Variants in STXBP5L observed in about 807,000 individuals in gnomAD.
STXBP5L encodes syntaxin-binding protein 5-like.
In STXBP5L, 65 loss-of-function variants were observed where a neutral mutation model predicts 144.5. That is an observed-to-expected ratio of 0.45 (90% CI 0.37 to 0.55). The LOEUF is 0.55. STXBP5L is among the 20% of genes least tolerant of loss of function. The probability of loss-of-function intolerance (pLI) is 0.00; values close to 1 mark genes in which losing one functional copy is unlikely to be tolerated. For synonymous variants in STXBP5L, 505 were observed against 469.6 expected, an observed-to-expected ratio of 1.08 and a Z score of -0.97; for missense variants, 1,298 against 1,405.5, an observed-to-expected ratio of 0.92 and a Z score of 1.22.
At chr3:121,014,547 T>A (rs1945006980) in intron 3 of STXBP5L, among the ~76,000 whole-genome samples, 1 of 152,072 alleles carries the variant, frequency 6.6e-6, no homozygotes, top group Non-Finnish European at 1.5e-5. Flanking sequence ...CACAGTTTGC[T>A]TATTTTTTCA....
At chr3:120,977,097 C>G (rs555392499) in intron 3 of STXBP5L, among the ~76,000 whole-genome samples, 16 of 152,248 alleles carry the variant, frequency 1.1e-4, no homozygotes, top group African/African-American at 2.9e-4. Flanking sequence ...TCCTGGTTAT[C>G]CTTGTTACCT....
chr3:121,415,767 G>T, intron 24 of STXBP5L, 90 bp from the exon 25 acceptor site: 3 of 726,288 alleles, frequency 4.1e-6, no homozygotes, highest in Admixed American at 3.1e-5. Flanking sequence ...GTTTTTTCAT[G>T]ATGTGTCCTA....
At chr3:121,383,667 G>A (rs1436776658) in intron 22 of STXBP5L, among the ~76,000 whole-genome samples, 2 of 152,012 alleles carry the variant, frequency 1.3e-5, no homozygotes, top group Non-Finnish European at 2.9e-5. Context: ...CATAATTTAT[G>A]GCAGTAAAAA....
intron 19 of STXBP5L, among the ~76,000 whole-genome samples, chr3:121,302,068 G>A (rs1193026574): frequency 2.6e-5 from 4 of 152,196 alleles, no homozygotes; most frequent in African/African-American, 9.6e-5. Flanking sequence ...CATAAAATGA[G>A]TTAGGGAGGA....
intron 9 of STXBP5L, among the ~76,000 whole-genome samples, chr3:121,202,218 G>T (rs1480991383): frequency 6.6e-6 from 1 of 152,104 alleles, no homozygotes; most frequent in African/African-American, 2.4e-5. Context: ...TATATTCACA[G>T]AATCTGTTAC....
intron 5 of STXBP5L, among the ~76,000 whole-genome samples, chr3:121,094,797 G>C (rs1366206676): frequency 5.3e-5 from 8 of 151,908 alleles, no homozygotes; most frequent in Non-Finnish European, 8.8e-5. Flanking sequence ...TGTTATGTGT[G>C]AATTTGAACC....
At position 121,314,467 on chromosome 3, in the gene STXBP5L, C is replaced by T. The variant is rs1476518596; in HGVS notation, c.2111-4008C>T. 4.5e-3 allele frequency among the ~76,000 whole-genome samples: 641 copies of T among 142,802 alleles called. 9 individuals are homozygous for T. The highest frequency in any genetic ancestry group is 0.015 in the African/African-American group (589 of 38,530). 93.7% of individuals were successfully genotyped at this position (142,802 alleles called of 152,430 possible). ...AAAACCAGTCAGGCGTGGCGGCGCG[C>T]GCCTGCAATCGCAGGCACTCGGCAG... On this transcript the variant is annotated intron_variant, in intron 19 of 26. Coordinates refer to ENST00000471454, the MANE Select transcript of STXBP5L (RefSeq NM_001308330.2).
intron 20 of STXBP5L, among the ~76,000 whole-genome samples, chr3:121,375,702 A>C (rs1274953462): frequency 1.3e-5 from 2 of 152,210 alleles, no homozygotes; most frequent in African/African-American, 4.8e-5. Flanking sequence ...ACTAATTTTC[A>C]TCTTTGCACT....
At chr3:121,059,894 A>G (rs1378928669) in intron 5 of STXBP5L, among the ~76,000 whole-genome samples, 1 of 152,180 alleles carries the variant, frequency 6.6e-6, no homozygotes, top group African/African-American at 2.4e-5. Flanking sequence ...GGTTTTCTAA[A>G]TATATAATCA....
intron 3 of STXBP5L, among the ~76,000 whole-genome samples, chr3:120,971,788 A>G (rs1940294873): frequency 6.6e-6 from 1 of 151,282 alleles, no homozygotes; most frequent in Admixed American, 6.6e-5. Context: ...ATGTATATAT[A>G]TATATACACA....
chr3:121,129,964 C>T (rs141080217), intron 7 of STXBP5L, among the ~76,000 whole-genome samples: 2 of 152,156 alleles, frequency 1.3e-5, no homozygotes, highest in African/African-American at 4.8e-5. Flanking sequence ...TTTACTTCCC[C>T]TAAGAAAGTG....
At chr3:120,986,327 G>A (rs1056382491) in intron 3 of STXBP5L, among the ~76,000 whole-genome samples, 1 of 151,902 alleles carries the variant, frequency 6.6e-6, no homozygotes, top group African/African-American at 2.4e-5. Context: ...CCTGAAAAAT[G>A]TGCACTTGAT....
chr3:121,071,714 G>A (rs2041819692), intron 5 of STXBP5L, among the ~76,000 whole-genome samples: 1 of 152,192 alleles, frequency 6.6e-6, no homozygotes, highest in African/African-American at 2.4e-5. Context: ...GCATCTGTGA[G>A]GCTAACAGGT....
intron 9 of STXBP5L, among the ~76,000 whole-genome samples, chr3:121,202,360 T>C (rs72968005): frequency 1.2e-4 from 18 of 152,232 alleles, no homozygotes; most frequent in African/African-American, 4.1e-4. Context: ...TATTGGCAAA[T>C]ATATATACAG....
intron 20 of STXBP5L, among the ~76,000 whole-genome samples, chr3:121,323,146 C>G (rs1391225884): frequency 2.6e-5 from 4 of 152,182 alleles, no homozygotes; most frequent in Non-Finnish European, 5.9e-5. Flanking sequence ...TGTAGTTTGT[C>G]TGTCCACCCT....
chr3:121,255,652 CTGTT>C (rs780087040), intron 16 of STXBP5L, among the ~76,000 whole-genome samples: 11 of 152,010 alleles, frequency 7.2e-5, no homozygotes, highest in Middle Eastern at 3.4e-3. Context: ...TTCTCATCAA[CTGTT>C]TGACATAAAT....
chr3:120,969,051 A>G (rs1346997112), intron 3 of STXBP5L, among the ~76,000 whole-genome samples: 1 of 152,080 alleles, frequency 6.6e-6, no homozygotes, highest in African/African-American at 2.4e-5. Flanking sequence ...CTTTGGGTAG[A>G]TACTCAGTAG....
Position 120,928,882 on chromosome 3 carries a change from G to A in STXBP5L, c.189+19115G>A, listed in dbSNP as rs542435796. Among the ~76,000 whole-genome samples, 59 of 152,084 alleles carry A rather than the reference G, an allele frequency of 3.9e-4. No individual in the cohort carries two copies. In the Middle Eastern group the frequency reaches 0.01, roughly 26 times the overall value. On this transcript the variant is annotated intron_variant, in intron 2 of 26. Transcript: ENST00000471454. Reference sequence around the variant, plus strand: ...TTTATGTTTAGTTTTTTGTTATGTGGAAATTAACAAAGACCACCCAAATGA... The same window carrying A: ...TTTATGTTTAGTTTTTTGTTATGTGAAAATTAACAAAGACCACCCAAATGA...
intron 19 of STXBP5L, among the ~76,000 whole-genome samples, chr3:121,314,933 A>G (rs906494134): frequency 3.9e-5 from 6 of 152,204 alleles, no homozygotes; most frequent in Non-Finnish European, 8.8e-5. Context: ...AACCACAATG[A>G]GATACCATCT....
Sources: gnomAD v4.1 joint callset for allele counts (sites outside exome capture counted in the v4.1 genomes callset) on GRCh38, gnomAD v4.1.1 for gene constraint, MANE v1.5 for transcripts, NCBI Gene and HGNC (gene_info 2026-07-23, HGNC 2026-07-21) for gene names.